The following LMO7 variants were observed in gnomAD, a reference collection of about 807,000 sequenced individuals.
LMO7 encodes LIM domain 7.
A neutral mutation model predicts 206.5 loss-of-function variants in LMO7; 120 were observed. The ratio of observed to expected loss-of-function variants is 0.58; its 90% confidence interval spans 0.50 to 0.68. The LOEUF (loss-of-function observed/expected upper bound fraction) is 0.68, where lower values mean the gene tolerates loss of function less well. Ranked by LOEUF, LMO7 falls within the 30% of genes least tolerant of loss-of-function variation. The pLI is 0.00. For missense variants in LMO7, 1,959 were observed against 1,957.9 expected (o/e 1.00, Z -0.01); for synonymous variants, 706 against 681.5 (o/e 1.04, Z -0.56).
chr13:75,652,045 T>A (rs2037621026), intron 1 of LMO7, among the ~76,000 whole-genome samples: 2 of 152,202 alleles, frequency 1.3e-5, no homozygotes, highest in South Asian at 4.1e-4. Flanking sequence ...ATCTGCCACA[T>A]TTACTTTCTG....
chr13:75,763,459 A>T (rs1050530556), intron 4 of LMO7, among the ~76,000 whole-genome samples: 1 of 152,172 alleles, frequency 6.6e-6, no homozygotes, highest in Non-Finnish European at 1.5e-5. Context: ...GACATAATTT[A>T]TGCATTTCTG....
chr13:75,738,175 T>C (rs2046107351), intron 3 of LMO7, among the ~76,000 whole-genome samples: 1 of 152,056 alleles, frequency 6.6e-6, no homozygotes, highest in Non-Finnish European at 1.5e-5. Context: ...ATAGTAAAAA[T>C]TTCTGTGTAA....
chr13:75,680,949 C>T (rs1260053904), intron 1 of LMO7, among the ~76,000 whole-genome samples: 1 of 151,948 alleles, frequency 6.6e-6, no homozygotes. Flanking sequence ...TGTTCATTGG[C>T]TGCATAAATG....
intron 4 of LMO7, among the ~76,000 whole-genome samples, chr13:75,764,326 T>C (rs2048574116): frequency 6.6e-6 from 1 of 152,152 alleles, no homozygotes; most frequent in Admixed American, 6.5e-5. Context: ...TAAACATCCA[T>C]ACTGAGCACA....
At chr13:75,747,536 C>T (rs1451066220) in intron 3 of LMO7, among the ~76,000 whole-genome samples, 1 of 152,190 alleles carries the variant, frequency 6.6e-6, no homozygotes, top group African/African-American at 2.4e-5. Flanking sequence ...ACTAAACTCT[C>T]ACAATTACAC....
intron 4 of LMO7, among the ~76,000 whole-genome samples, chr13:75,775,168 T>C (rs1042358700): frequency 6.6e-6 from 1 of 152,064 alleles, no homozygotes; most frequent in Non-Finnish European, 1.5e-5. Flanking sequence ...CAAAAACTCA[T>C]TGAGTTGAGC....
chr13:75,842,867 G>GATATACC lies in LMO7; in HGVS notation c.4050_4056dup (p.Lys1353TyrfsTer15), dbSNP rs1296323313. 1 of 1,606,372 alleles carries GATATACC rather than the reference G, an allele frequency of 6.2e-7. No individual in the cohort carries two copies. Among genetic ancestry groups the GATATACC allele is most frequent in the African/African-American group, 1.3e-5 (1 of 74,790 alleles). On this transcript the variant is annotated frameshift_variant, in exon 25 of 31. Coordinates refer to ENST00000377534, the MANE Select transcript of LMO7 (RefSeq NM_001306080.2). LOFTEE classifies it high-confidence loss of function. The stretch of plus-strand genomic sequence containing the variant: ...ATCTTTTAGGCCTGTTGATTCCTAT[G>GATATACC]ATATACCAAAGACAGAAGAAGCATC...
chr13:75,800,485 G>C lies in LMO7; in HGVS notation c.463-199G>C, dbSNP rs11616640. Among the ~76,000 whole-genome samples, 2,599 of 151,960 alleles carry C rather than the reference G, an allele frequency of 0.017. 24 individuals are homozygous for C. Among genetic ancestry groups the C allele is most frequent in the Middle Eastern group, 0.041 (12 of 294 alleles). On this transcript the variant is annotated intron_variant, in intron 6 of 30. Coordinates refer to ENST00000377534, the MANE Select transcript of LMO7 (RefSeq NM_001306080.2). ...TTTGAATATTGAATACCCCCTTATT[G>C]TATCAGTTGTGGGCAAACAATTACA...
At chr13:75,642,598 A>G (rs1403312112) in intron 1 of LMO7, among the ~76,000 whole-genome samples, 2 of 152,082 alleles carry the variant, frequency 1.3e-5, no homozygotes, top group Non-Finnish European at 2.9e-5. Flanking sequence ...GTAAGACTCT[A>G]TCTTTAAAAA....
chr13:75,753,393 G>A (rs183785711), intron 3 of LMO7, among the ~76,000 whole-genome samples: 48 of 152,198 alleles, frequency 3.2e-4, no homozygotes, highest in African/African-American at 1.1e-3. Context: ...TTCTTTTGCT[G>A]TGCAGAAGCC....
At chr13:75,813,905 A>C (rs532542059) in intron 11 of LMO7, among the ~76,000 whole-genome samples, 17 of 152,024 alleles carry the variant, frequency 1.1e-4, no homozygotes, top group Non-Finnish European at 2.1e-4. Flanking sequence ...TCATGTGTTG[A>C]GTGTCTAGAT....
chr13:75,804,944 T>C, intron 8 of LMO7: 3 of 1,005,220 alleles, frequency 3.0e-6, no homozygotes, highest in Non-Finnish European at 3.6e-6. Context: ...CTTCCTCTCA[T>C]GGGGAGGCGT....
Position 75,840,455 on chromosome 13 carries a change from G to A in LMO7, c.3542G>A (p.Arg1181Gln), listed in dbSNP as rs142381519. ...TGGGATCAAGAGGAGGAGCGGAAGC[G>A]GCAGGAGAGGTGGCAGAAGGAGCAG... is the stretch of plus-strand genomic sequence containing the variant. The part of the protein sequence containing the change: ...WVWDQEEERK[R>Q]QERWQKEQDR... Residue 1181 changes from arginine to glutamine, a missense_variant, in exon 22 of 31, where the codon CGG becomes CAG. Physicochemically the swap from Arg to Gln is conservative, Grantham distance 43. Transcript: ENST00000377534. The A allele has an allele frequency of 1.2e-5, 19 of 1,614,010 alleles. No homozygotes were observed. The highest frequency in any genetic ancestry group is 8.3e-5 in the Admixed American group (5 of 60,018).
At chr13:75,740,519 G>A (rs962187455) in intron 3 of LMO7, among the ~76,000 whole-genome samples, 1 of 152,226 alleles carries the variant, frequency 6.6e-6, no homozygotes, top group Non-Finnish European at 1.5e-5. Context: ...GGAAGAGATG[G>A]GAAGGTGGTA....
Position 75,837,845 on chromosome 13 carries a change from G to A in LMO7, c.3395-295G>A, listed in dbSNP as rs549105254. On this transcript the variant is annotated intron_variant, in intron 19 of 30. Coordinates refer to ENST00000377534, the MANE Select transcript of LMO7 (RefSeq NM_001306080.2). ...TTGATTTCCTTTTCCCTAAAACGGC[G>A]TGATCTAGCATGGAAGATGATACTT... Among the ~76,000 whole-genome samples, 12 of 152,192 alleles carry A rather than the reference G, an allele frequency of 7.9e-5. No individual in the cohort carries two copies. In the South Asian group the frequency reaches 1.0e-3, roughly 13 times the overall value.
chr13:75,727,247 T>C (rs2044562104), intron 3 of LMO7, 149 bp downstream of exon 3: 1 of 476,496 alleles, frequency 2.1e-6, no homozygotes, highest in Non-Finnish European at 3.8e-6. Flanking sequence ...ATGTCCTCCT[T>C]TTATCTGCAG....
chr13:75,675,873 C>T (rs9544018), intron 1 of LMO7, among the ~76,000 whole-genome samples: 40,896 of 146,434 alleles, frequency 0.28, 6,581 homozygotes, highest in Non-Finnish European at 0.37. Flanking sequence ...CCTTGTAAAA[C>T]GCGTGCACGA....
intron 1 of LMO7, chr13:75,623,172 G>T (rs2033550150): frequency 1.5e-6 from 1 of 651,404 alleles, no homozygotes; most frequent in African/African-American, 1.9e-5. Context: ...TGGAATTTCA[G>T]TAAAATATTT....
At chr13:75,848,954 G>A in intron 26 of LMO7, 125 bp from the exon 27 acceptor site, 1 of 627,752 alleles carries the variant, frequency 1.6e-6, no homozygotes. Flanking sequence ...GGCCATTCTT[G>A]CAGGAGTAAG....
Sources: gnomAD v4.1 joint callset for allele counts (sites outside exome capture counted in the v4.1 genomes callset) on GRCh38, gnomAD v4.1.1 for gene constraint, MANE v1.5 for transcripts, NCBI Gene and HGNC (gene_info 2026-07-23, HGNC 2026-07-21) for gene names.